MGMT: variants seen among roughly 807,000 people sequenced by gnomAD.
MGMT encodes O-6-methylguanine-DNA methyltransferase.
In MGMT, 14 loss-of-function variants were observed where a neutral mutation model predicts 15.9. The observed-to-expected ratio is 0.88, with a 90% CI of 0.58 to 1.37. The LOEUF (loss-of-function observed/expected upper bound fraction) is 1.37. Ranked by LOEUF, MGMT falls within the 40% of genes most tolerant of loss-of-function variation. The probability of loss-of-function intolerance (pLI) is 0.00; values close to 1 mark genes in which losing one functional copy is unlikely to be tolerated. For synonymous variants in MGMT, 130 were observed against 118.2 expected, an observed-to-expected ratio of 1.10 and a Z score of -0.65; for missense variants, 282 against 268.1, an observed-to-expected ratio of 1.05 and a Z score of -0.36.
At chr10:129,524,677 C>T (rs1199938081) in intron 1 of MGMT, among the ~76,000 whole-genome samples, 2 of 150,018 alleles carry the variant, frequency 1.3e-5, no homozygotes, top group Non-Finnish European at 3.0e-5. Flanking sequence ...CTGCAACCTC[C>T]GCCTCCCGGG....
intron 1 of MGMT, among the ~76,000 whole-genome samples, chr10:129,517,863 A>G (rs533519868): frequency 1.4e-4 from 22 of 152,256 alleles, no homozygotes; most frequent in African/African-American, 5.1e-4. Context: ...ATGAATGAGT[A>G]TTCTCCTTTG....
chr10:129,637,424 A>C (rs1297388197), intron 2 of MGMT, among the ~76,000 whole-genome samples: 1 of 152,224 alleles, frequency 6.6e-6, no homozygotes, highest in Non-Finnish European at 1.5e-5. Context: ...TAGGTGCTCA[A>C]CACAGGCTGG....
At chr10:129,596,675 C>T (rs889296855) in intron 2 of MGMT, among the ~76,000 whole-genome samples, 1 of 152,210 alleles carries the variant, frequency 6.6e-6, no homozygotes, top group Non-Finnish European at 1.5e-5. Flanking sequence ...TAGGATTGCA[C>T]CTGCTTTTGA....
At chr10:129,553,213 G>C (rs1388428645) in intron 2 of MGMT, among the ~76,000 whole-genome samples, 1 of 152,120 alleles carries the variant, frequency 6.6e-6, no homozygotes, top group Non-Finnish European at 1.5e-5. Context: ...CTCTTTCTTT[G>C]GGAGACTAGT....
At chr10:129,508,945 G>GTT (rs1845653258) in intron 1 of MGMT, among the ~76,000 whole-genome samples, 1 of 152,186 alleles carries the variant, frequency 6.6e-6, no homozygotes, top group South Asian at 2.1e-4. Flanking sequence ...CATGAACAAG[G>GTT]TTTGTGGATA....
chr10:129,677,805 C>T (rs1261366875), intron 2 of MGMT, among the ~76,000 whole-genome samples: 3 of 152,180 alleles, frequency 2.0e-5, no homozygotes, highest in Non-Finnish European at 4.4e-5. Flanking sequence ...GTCACCGAGG[C>T]CACTGCCAGC....
At chr10:129,549,288 C>T (rs1239128643) in intron 2 of MGMT, among the ~76,000 whole-genome samples, 2 of 152,148 alleles carry the variant, frequency 1.3e-5, no homozygotes, top group African/African-American at 2.4e-5. Context: ...GATATCCTCT[C>T]GTTTTTTGCA....
chr10:129,650,157 G>A lies in MGMT; in HGVS notation c.126-57738G>A, dbSNP rs922976716. Among the ~76,000 whole-genome samples, 8 of 152,208 alleles carry A rather than the reference G, an allele frequency of 5.3e-5. No homozygotes were observed. The East Asian group carries it at 5.8e-4, about 11-fold the overall frequency. On this transcript the variant is annotated intron_variant, in intron 2 of 4. Transcript: ENST00000651593. ...TTCTGAGTGTTTGGGGGCTTCTAGC[G>A]AATAATCCCTGGATGACGGGTCCTA... is the stretch of plus-strand genomic sequence containing the variant.
intron 1 of MGMT, among the ~76,000 whole-genome samples, chr10:129,524,558 G>A (rs1339135831): frequency 7.6e-6 from 1 of 131,572 alleles, no homozygotes; most frequent in Non-Finnish European, 1.6e-5. Context: ...ACAGATGATA[G>A]TTACTAAGAA....
intron 1 of MGMT, among the ~76,000 whole-genome samples, chr10:129,492,351 C>T (rs1032518279): frequency 3.1e-4 from 47 of 152,172 alleles, no homozygotes; most frequent in African/African-American, 1.1e-3. Flanking sequence ...TTCAAAGTCT[C>T]CTAAATGTCC....
chr10:129,516,558 A>G (rs1255937879), intron 1 of MGMT, among the ~76,000 whole-genome samples: 1 of 152,226 alleles, frequency 6.6e-6, no homozygotes, highest in Non-Finnish European at 1.5e-5. Context: ...CAGAATCAAA[A>G]CCGTGTAGCA....
intron 1 of MGMT, among the ~76,000 whole-genome samples, chr10:129,529,153 T>C (rs2027139): frequency 0.65 from 96,904 of 148,400 alleles, 31,656 homozygotes; most frequent in East Asian, 0.96. Flanking sequence ...AGAGCGAGGC[T>C]GGAGTGTGAG....
intron 2 of MGMT, among the ~76,000 whole-genome samples, chr10:129,650,169 G>A (rs1296400541): frequency 6.6e-6 from 1 of 152,204 alleles, no homozygotes; most frequent in Non-Finnish European, 1.5e-5. Flanking sequence ...ATAATCCCTG[G>A]ATGACGGGTC....
At chr10:129,550,242 CACT>C (rs1846140498) in intron 2 of MGMT, among the ~76,000 whole-genome samples, 1 of 151,994 alleles carries the variant, frequency 6.6e-6, no homozygotes, top group South Asian at 2.1e-4. Context: ...CGCCGCCCAG[CACT>C]GGCATGTTTC....
chr10:129,761,126 A>G (rs917692385), intron 4 of MGMT, among the ~76,000 whole-genome samples: 2 of 152,152 alleles, frequency 1.3e-5, no homozygotes, highest in Non-Finnish European at 2.9e-5. Flanking sequence ...GGCAGCTCAG[A>G]TGCTGTTGTG....
intron 2 of MGMT, among the ~76,000 whole-genome samples, chr10:129,601,298 A>G (rs1266594961): frequency 6.6e-6 from 1 of 152,198 alleles, no homozygotes; most frequent in Non-Finnish European, 1.5e-5. Context: ...TTTCTCTTCC[A>G]GGGCTTGTGT....
intron 2 of MGMT, among the ~76,000 whole-genome samples, chr10:129,542,114 A>G (rs531519443): frequency 4.6e-5 from 7 of 152,286 alleles, no homozygotes; most frequent in Non-Finnish European, 7.4e-5. Flanking sequence ...AACGTGCCCC[A>G]TGGAAAGCGT....
chr10:129,660,382 G>C (rs897121350), intron 2 of MGMT, among the ~76,000 whole-genome samples: 2 of 152,078 alleles, frequency 1.3e-5, no homozygotes, highest in African/African-American at 4.8e-5. Flanking sequence ...GCTAAGGTGT[G>C]GGGGAGCACC....
chr10:129,608,119 G>A lies in MGMT; in HGVS notation c.125+71742G>A, dbSNP rs137984662. Reference sequence around the variant, plus strand: ...GCATCCAAAACGACTTGGAGCCAGGGTATAGTACATGTTTATAATAGAAAA... The same window carrying A: ...GCATCCAAAACGACTTGGAGCCAGGATATAGTACATGTTTATAATAGAAAA... On this transcript the variant is annotated intron_variant, in intron 2 of 4. Transcript: ENST00000651593. Among the ~76,000 whole-genome samples, 334 of 152,266 alleles carry A rather than the reference G, an allele frequency of 2.2e-3. 1 individual carries two copies. Among genetic ancestry groups the A allele is most frequent in the African/African-American group, 7.7e-3 (318 of 41,536 alleles).
Sources: gnomAD v4.1 joint callset for allele counts (sites outside exome capture counted in the v4.1 genomes callset) on GRCh38, gnomAD v4.1.1 for gene constraint, MANE v1.5 for transcripts, NCBI Gene and HGNC (gene_info 2026-07-23, HGNC 2026-07-21) for gene names.